Variants in ZNF503 observed in about 807,000 individuals in gnomAD.
The protein encoded by ZNF503 is NocA-like zinc finger 2.
Under a neutral mutation model 34.4 loss-of-function variants are expected in ZNF503, and 15 were observed. The ratio of observed to expected loss-of-function variants is 0.44; its 90% CI spans 0.29 to 0.67. The LOEUF (loss-of-function observed/expected upper bound fraction) is 0.67, where lower values mean the gene tolerates loss of function less well. Among genes scored for constraint, ZNF503 ranks in the 30% least tolerant of loss-of-function variants. The pLI, the probability that ZNF503 is intolerant of heterozygous loss-of-function variation, is 0.13. For synonymous variants in ZNF503, 580 were observed against 456.8 expected, an observed-to-expected ratio of 1.27 and a Z score of -3.44; for missense variants, 1,007 against 926.8, an observed-to-expected ratio of 1.09 and a Z score of -1.12.
At chr10:75,400,858 G>C (rs939899384) in intron 1 of ZNF503, 2 of 636,480 alleles carry the variant, frequency 3.1e-6, no homozygotes, top group Non-Finnish European at 2.7e-6. Flanking sequence ...CCTGGGTCGG[G>C]GTAGGGGCTT....
At chr10:75,329,419 C>CTTCCT in the ZNF503 span, among the ~76,000 whole-genome samples, 813 of 71,046 alleles carry the variant, frequency 0.011, 10 homozygotes, top group African/African-American at 0.029. Flanking sequence ...CCTTCCTTTC[C>CTTCCT]TTCCTTCCTT....
At chr10:75,353,583 A>G in the ZNF503 span, among the ~76,000 whole-genome samples, 2 of 152,184 alleles carry the variant, frequency 1.3e-5, no homozygotes, top group African/African-American at 4.8e-5. Flanking sequence ...CTCCCCAAAA[A>G]GCCAGGGCTC....
the ZNF503 span, among the ~76,000 whole-genome samples, chr10:75,304,034 A>T: frequency 6.6e-6 from 1 of 152,002 alleles, no homozygotes; most frequent in African/African-American, 2.4e-5. Context: ...GGGTTTCACC[A>T]TGTTGGCCAG....
At chr10:75,396,254 G>T (rs1331193519), downstream of ZNF503, among the ~76,000 whole-genome samples, 1 of 152,198 alleles carries the variant, frequency 6.6e-6, no homozygotes, top group African/African-American at 2.4e-5. This position sits in a 1 kb window ranked among gnomAD's most constrained non-coding sequence, Gnocchi z 4.4. Flanking sequence ...AGTGGGACCG[G>T]GGCCGCGGCG....
chr10:75,397,568 G>A (rs1426779130), downstream of ZNF503, among the ~76,000 whole-genome samples: 1 of 152,170 alleles, frequency 6.6e-6, no homozygotes, highest in African/African-American at 2.4e-5. Flanking sequence ...CAGCTGCCAA[G>A]AGAAAATTGA....
chr10:75,309,593 ATTGTTT>A, the ZNF503 span, among the ~76,000 whole-genome samples: 3 of 151,800 alleles, frequency 2.0e-5, no homozygotes, highest in Non-Finnish European at 4.4e-5. Context: ...AGGTATGTAC[ATTGTTT>A]TTAAGACATA....
chr10:75,305,441 ATAAT>A, the ZNF503 span, among the ~76,000 whole-genome samples: 3 of 152,162 alleles, frequency 2.0e-5, no homozygotes, highest in Non-Finnish European at 4.4e-5. Context: ...TTTAAAGTAT[ATAAT>A]TAATTTCTAG....
the ZNF503 span, among the ~76,000 whole-genome samples, chr10:75,358,006 C>T: frequency 5.6e-4 from 86 of 152,280 alleles, no homozygotes; most frequent in African/African-American, 2.0e-3. Flanking sequence ...GCTCAGTGCA[C>T]CATTGGAGAG....
the ZNF503 span, among the ~76,000 whole-genome samples, chr10:75,380,299 G>A: frequency 7.9e-5 from 12 of 152,202 alleles, no homozygotes; most frequent in Non-Finnish European, 1.2e-4. Flanking sequence ...ACATAACCCT[G>A]GGAAGTTGGG....
At chr10:75,370,347 T>G in the ZNF503 span, among the ~76,000 whole-genome samples, 1 of 152,158 alleles carries the variant, frequency 6.6e-6, no homozygotes, top group Admixed American at 6.5e-5. Context: ...ACAATAATTT[T>G]TCTTAAGAAA....
the ZNF503 span, among the ~76,000 whole-genome samples, chr10:75,333,035 C>T: frequency 2.0e-5 from 3 of 147,278 alleles, no homozygotes; most frequent in African/African-American, 5.1e-5. Context: ...GGGCTCCTCA[C>T]TTCCCAGTAG....
Position 75,401,438 on chromosome 10 carries a change from G to T in ZNF503, c.-19C>A. ...TGCTCATGACCCACCCGCGCGCATGGGAGCAGCGGGGGGGAGGGCTCCGGG... is the reference window on the plus strand; with the variant it reads ...TGCTCATGACCCACCCGCGCGCATGTGAGCAGCGGGGGGGAGGGCTCCGGG... On this transcript the variant is annotated 5_prime_UTR_variant, in exon 1 of 2. Coordinates refer to ENST00000372524, the MANE Select transcript of ZNF503 (RefSeq NM_032772.6). The T allele has an allele frequency of 6.5e-7, 1 of 1,527,870 alleles. No individual in the cohort carries two copies. The allele number at this position is 1,527,870 out of a possible 1,614,324, so 94.6% of individuals were successfully genotyped here. A position where few individuals can be genotyped will look rare whatever the true frequency, so the allele number is the denominator to read the frequency against.
the ZNF503 span, among the ~76,000 whole-genome samples, chr10:75,372,382 C>CA: frequency 6.6e-6 from 1 of 152,210 alleles, no homozygotes; most frequent in Non-Finnish European, 1.5e-5. Context: ...ACAAGTAACT[C>CA]AGTGACATTT....
chr10:75,394,608 T>A (rs1211731942), downstream of ZNF503, among the ~76,000 whole-genome samples: 1 of 152,246 alleles, frequency 6.6e-6, no homozygotes, highest in Non-Finnish European at 1.5e-5. Context: ...GGGGCTTTTT[T>A]ATCTGCCTTT....
the ZNF503 span, among the ~76,000 whole-genome samples, chr10:75,347,900 G>A: frequency 6.6e-6 from 1 of 151,982 alleles, no homozygotes; most frequent in Non-Finnish European, 1.5e-5. Context: ...TTTTTGAGAT[G>A]GAGTCTTCCT....
the ZNF503 span, among the ~76,000 whole-genome samples, chr10:75,280,550 G>A: frequency 2.3e-5 from 3 of 128,908 alleles, no homozygotes; most frequent in African/African-American, 1.1e-4. Context: ...GGAGGGGTGT[G>A]TATGCGTGTG....
the ZNF503 span, among the ~76,000 whole-genome samples, chr10:75,378,486 C>G: frequency 6.6e-6 from 1 of 151,746 alleles, no homozygotes; most frequent in South Asian, 2.1e-4. Flanking sequence ...GGGTACCCAC[C>G]CACTCCGCAC....
At chr10:75,279,897 A>C in the ZNF503 span, 1 of 152,170 alleles carries the variant, frequency 6.6e-6, no homozygotes, top group Non-Finnish European at 1.5e-5. Flanking sequence ...TGTCTCTTTG[A>C]TAAGTGCACT....
chr10:75,341,674 A>G, the ZNF503 span, among the ~76,000 whole-genome samples: 1 of 152,246 alleles, frequency 6.6e-6, no homozygotes, highest in Non-Finnish European at 1.5e-5. Flanking sequence ...AACACCACCA[A>G]GCAAATACAT....
Sources: allele counts gnomAD v4.1 joint callset (sites outside exome capture counted in the v4.1 genomes callset), GRCh38; gene constraint gnomAD v4.1.1; non-coding constraint Gnocchi (gnomAD v3.1); transcripts MANE v1.5; gene names NCBI Gene and HGNC (gene_info 2026-07-23, HGNC 2026-07-21).